Variants in OSBPL10 observed in about 807,000 individuals in gnomAD.
OSBPL10 encodes oxysterol binding protein like 10.
In OSBPL10, 49 loss-of-function variants were observed where a neutral mutation model predicts 81.7. That is an observed-to-expected ratio of 0.60 (90% CI 0.48 to 0.76). The LOEUF is 0.76. OSBPL10 is among the 30% of genes least tolerant of loss of function. OSBPL10 has a pLI of 0.00. For missense variants in OSBPL10, 923 were observed against 987.8 expected, an observed-to-expected ratio of 0.93 and a Z score of 0.88; for synonymous variants, 419 against 383.6, an observed-to-expected ratio of 1.09 and a Z score of -1.08.
At chr3:31,663,031 G>A (rs1007775463) in intron 11 of OSBPL10, 11 of 985,314 alleles carry the variant, frequency 1.1e-5, no homozygotes, top group Non-Finnish European at 1.3e-5. Context: ...GGGGAGAACA[G>A]TGGTGGCTTC....
intron 2 of OSBPL10, among the ~76,000 whole-genome samples, chr3:31,998,938 G>A (rs1559546695): frequency 6.6e-6 from 1 of 152,130 alleles, no homozygotes; most frequent in African/African-American, 2.4e-5. Context: ...TAGTATAAGT[G>A]GATATTTAAA....
intron 4 of OSBPL10, among the ~76,000 whole-genome samples, chr3:31,770,359 T>G (rs1698344070): frequency 6.6e-6 from 1 of 152,214 alleles, no homozygotes; most frequent in Admixed American, 6.5e-5. Flanking sequence ...AAATAGCCCA[T>G]TTCTTAAGCA....
intron 2 of OSBPL10, among the ~76,000 whole-genome samples, chr3:32,001,339 T>C (rs541931338): frequency 9.8e-5 from 15 of 152,324 alleles, no homozygotes; most frequent in African/African-American, 3.4e-4. Flanking sequence ...GATCTGTTGG[T>C]GTATTCTGTC....
intron 2 of OSBPL10, chr3:31,989,434 G>C (rs200830007): frequency 2.5e-6 from 4 of 1,614,166 alleles, no homozygotes; most frequent in Non-Finnish European, 3.4e-6. Flanking sequence ...ATGGCAAGAA[G>C]ACAAAAGAAA....
intron 1 of OSBPL10, among the ~76,000 whole-genome samples, chr3:31,928,647 A>G (rs11928969): frequency 0.57 from 86,606 of 151,422 alleles, 25,615 homozygotes; most frequent in African/African-American, 0.73. Context: ...ATGGTGGTGC[A>G]TGCCTGTCTG....
intron 1 of OSBPL10, among the ~76,000 whole-genome samples, chr3:31,938,369 C>A (rs1697439317): frequency 6.6e-6 from 1 of 152,180 alleles, no homozygotes; most frequent in Non-Finnish European, 1.5e-5. Flanking sequence ...TCAGGATACT[C>A]AACACCAAGG....
chr3:31,863,559 T>A (rs193282002), intron 3 of OSBPL10, among the ~76,000 whole-genome samples: 22 of 152,340 alleles, frequency 1.4e-4, no homozygotes, highest in Admixed American at 3.9e-4. Context: ...TAGCAGTGCC[T>A]GCCTTACAGG....
intron 1 of OSBPL10, among the ~76,000 whole-genome samples, chr3:31,974,529 T>C (rs1248421637): frequency 6.6e-6 from 1 of 152,170 alleles, no homozygotes; most frequent in African/African-American, 2.4e-5. Flanking sequence ...GTTCAGTATA[T>C]TCATACCACG....
chr3:31,799,658 C>G (rs534238172), intron 4 of OSBPL10, among the ~76,000 whole-genome samples: 1 of 152,106 alleles, frequency 6.6e-6, no homozygotes, highest in Non-Finnish European at 1.5e-5. Context: ...CCTCCTTTAA[C>G]AAATAAGAAA....
rs76455360 is a variant in OSBPL10 at position 31,774,034 on chromosome 3, C to T, written c.730-25914G>A. Among the ~76,000 whole-genome samples the T allele has an allele frequency of 1.2e-3, 182 of 152,036 alleles. 3 individuals are homozygous for T. The highest frequency in any genetic ancestry group is 0.012 in the Admixed American group (179 of 15,252). ...AAGATTAGCCGGGCGTGGTGGCACG[C>T]GCCTGTAATCCCAGCTACTCAGGAG... On this transcript the variant is annotated intron_variant, in intron 4 of 11. Transcript: ENST00000396556.
chr3:31,989,494 G>T lies in OSBPL10; in HGVS notation n.298+56997C>A, dbSNP rs781139425. The stretch of plus-strand genomic sequence containing the variant: ...AATCAAAAAGTTGACTGGTAGCACC[G>T]ACAGATATGATCGAAGGCATCCTGG... On this transcript the variant is annotated intron_variant and non_coding_transcript_variant, in intron 2 of 3. Coordinates refer to the OSBPL10 transcript ENST00000479173. The T allele has an allele frequency of 3.7e-6, 6 of 1,614,056 alleles. No individual in the cohort carries two copies. The African/African-American group carries it at 6.7e-5, about 18-fold the overall frequency.
chr3:31,883,424 G>C (rs1295324591), intron 1 of OSBPL10, among the ~76,000 whole-genome samples: 2 of 151,910 alleles, frequency 1.3e-5, no homozygotes, highest in Admixed American at 6.6e-5. Context: ...ATTTTTAGTA[G>C]AGATGGGGTT....
At chr3:31,889,880 G>A (rs1243358988) in intron 1 of OSBPL10, among the ~76,000 whole-genome samples, 1 of 145,260 alleles carries the variant, frequency 6.9e-6, no homozygotes, top group African/African-American at 2.8e-5. Context: ...ATGGTATGTT[G>A]TATGTCTCAA....
chr3:31,704,775 T>C (rs1156501073), intron 6 of OSBPL10: 4 of 152,190 alleles, frequency 2.6e-5, no homozygotes, highest in Admixed American at 2.6e-4. Context: ...CTACACTCAC[T>C]GTGATGTGTT....
intron 2 of OSBPL10, among the ~76,000 whole-genome samples, chr3:32,045,444 T>C (rs1699612335): frequency 6.6e-6 from 1 of 152,184 alleles, no homozygotes; most frequent in African/African-American, 2.4e-5. Context: ...GCCAAGACTG[T>C]TGGGCAAGAG....
chr3:31,993,269 G>A (rs1699054043), intron 2 of OSBPL10, among the ~76,000 whole-genome samples: 1 of 151,066 alleles, frequency 6.6e-6, no homozygotes, highest in African/African-American at 2.4e-5. Context: ...GAGTGCAATG[G>A]CACGATCTCA....
chr3:32,034,678 A>G (rs1699502074), intron 2 of OSBPL10, among the ~76,000 whole-genome samples: 1 of 152,180 alleles, frequency 6.6e-6, no homozygotes, highest in Non-Finnish European at 1.5e-5. Context: ...ATTTGTCTCC[A>G]ATTCATCACC....
intron 2 of OSBPL10, among the ~76,000 whole-genome samples, chr3:32,002,224 A>G (rs755097923): frequency 1.3e-5 from 2 of 152,204 alleles, no homozygotes; most frequent in South Asian, 4.1e-4. Flanking sequence ...TTTAGGTGCT[A>G]TGATGAATTG....
At chr3:31,945,617 T>A (rs1415716392) in intron 1 of OSBPL10, among the ~76,000 whole-genome samples, 1 of 152,198 alleles carries the variant, frequency 6.6e-6, no homozygotes, top group East Asian at 1.9e-4. Context: ...ACGGCAACCA[T>A]AGGCCATAGC....
Sources: gnomAD v4.1 joint callset for allele counts (sites outside exome capture counted in the v4.1 genomes callset) on GRCh38, gnomAD v4.1.1 for gene constraint, MANE v1.5 for transcripts, NCBI Gene and HGNC (gene_info 2026-07-23, HGNC 2026-07-21) for gene names.